Variants in IGBP1 observed in about 807,000 individuals in gnomAD.
IGBP1 encodes the protein immunoglobulin binding protein 1.
Under a neutral mutation model 25.9 loss-of-function variants are expected in IGBP1, and 2 were observed. The observed-to-expected ratio is 0.08, with a 90% CI of 0.03 to 0.24. The LOEUF (loss-of-function observed/expected upper bound fraction) is 0.24. IGBP1 is among the 10% of genes least tolerant of loss of function. IGBP1 has a pLI of 1.00. For synonymous variants in IGBP1, 96 were observed against 93.4 expected (o/e 1.03, Z -0.16); for missense variants, 187 against 260.4 (o/e 0.72, Z 1.94).
Position 70,133,882 on chromosome X carries a change from ATTC to A in IGBP1, c.-60_-58del. The A allele has an allele frequency of 9.5e-7, 1 of 1,047,674 alleles. No homozygotes were observed. Among genetic ancestry groups the A allele is most frequent in the Non-Finnish European group, 1.3e-6 (1 of 759,022 alleles). The allele number at this position is 1,047,674 out of a possible 1,213,427, so 86.3% of individuals were successfully genotyped here. On this transcript the variant is annotated 5_prime_UTR_variant, in exon 2 of 7. Coordinates refer to ENST00000356413, the MANE Select transcript of IGBP1 (RefSeq NM_001551.3). ...TTCCGGTTTTGTCCGCGCTCGCCTA[ATTC>A]TTCTTTATCAAGGTTGCCTTTGACC... is the stretch of plus-strand genomic sequence containing the variant.
rs57946963 is a variant in IGBP1 at position 70,155,494 on chromosome X, CA to C, written c.871+5193del. Among the ~76,000 whole-genome samples the C allele has an allele frequency of 8.3e-3, 304 of 36,538 alleles. 1 individual carries two copies. Among genetic ancestry groups the C allele is most frequent in the Non-Finnish European group, 0.011 (193 of 18,353 alleles). The allele number at this position is 36,538 out of a possible 115,157, so 31.7% of individuals were successfully genotyped here. A position where few individuals can be genotyped will look rare whatever the true frequency, so the allele number is the denominator to read the frequency against. ...TGGGTGACAGAGTGAGACTCTGTCTCAAAAAAAAAAAAAAAAAAAAAGATAT... is the reference window on the plus strand; with the variant it reads ...TGGGTGACAGAGTGAGACTCTGTCTCAAAAAAAAAAAAAAAAAAAAGATAT... On this transcript the variant is annotated intron_variant, in intron 6 of 6. Coordinates refer to ENST00000356413, the MANE Select transcript of IGBP1 (RefSeq NM_001551.3).
chrX:70,134,495 C>G, intron 2 of IGBP1, 28 bp from the exon 3 acceptor site: 1 of 1,201,817 alleles, frequency 8.3e-7, no homozygotes, highest in Non-Finnish European at 1.1e-6. Context: ...CCTAGTCAGG[C>G]TTCACTGCCT....
chrX:70,152,041 G>T (rs1325054756), intron 6 of IGBP1, among the ~76,000 whole-genome samples: 1 of 111,506 alleles, frequency 9.0e-6, no homozygotes, highest in Non-Finnish European at 1.9e-5. Context: ...TCACCTGTGG[G>T]CAGACTGCAG....
At chrX:70,142,623 G>T (rs746186885) in intron 3 of IGBP1, among the ~76,000 whole-genome samples, 1 of 109,989 alleles carries the variant, frequency 9.1e-6, no homozygotes, top group South Asian at 4.0e-4. Context: ...TTCAAGATCA[G>T]CCTGGGCAAC....
At position 70,166,302 on chromosome X, in the gene IGBP1, T is replaced by C. The variant is rs1244140143; in HGVS notation, c.*321T>C. ...CTGAAAAAATAATAAAAGTCCCCTC[T>C]ATTATATGAGCCTGTACAGAAATAT... On this transcript the variant is annotated 3_prime_UTR_variant, in exon 7 of 7. Coordinates refer to ENST00000356413, the MANE Select transcript of IGBP1 (RefSeq NM_001551.3). 1.0e-5 allele frequency: 2 copies of C among 197,909 alleles called. No individual in the cohort carries two copies. The highest frequency in any genetic ancestry group is 1.8e-5 in the Non-Finnish European group (2 of 108,659). The allele number at this position is 197,909 out of a possible 1,213,427, so 16.3% of individuals were successfully genotyped here.
intron 2 of IGBP1, 71 bp downstream of exon 2, chrX:70,134,206 C>A: frequency 9.9e-7 from 1 of 1,006,795 alleles, no homozygotes; most frequent in Non-Finnish European, 1.4e-6. Context: ...AGCCATTGCG[C>A]CTGAGTGGAG....
chrX:70,138,676 G>A (rs1419111327), intron 3 of IGBP1, among the ~76,000 whole-genome samples: 2 of 110,959 alleles, frequency 1.8e-5, no homozygotes, highest in Non-Finnish European at 3.8e-5. Context: ...TTGGAATGCT[G>A]TAACTATAGC....
At chrX:70,145,635 T>C (rs952095441) in intron 3 of IGBP1, among the ~76,000 whole-genome samples, 4 of 111,752 alleles carry the variant, frequency 3.6e-5, no homozygotes, top group African/African-American at 9.8e-5. Flanking sequence ...TGGCTATGTC[T>C]GACCTCATTT....
At chrX:70,147,042 A>C (rs2085171211) in intron 4 of IGBP1, among the ~76,000 whole-genome samples, 2 of 112,005 alleles carry the variant, frequency 1.8e-5, no homozygotes, top group Non-Finnish European at 3.8e-5. Flanking sequence ...ATTTTGTGGT[A>C]TACCATGGGG....
chrX:70,164,857 G>A (rs957202041), intron 6 of IGBP1: 1 of 112,015 alleles, frequency 8.9e-6, no homozygotes, highest in Non-Finnish European at 1.9e-5. Flanking sequence ...TGGGAGGGCC[G>A]AGACCAGCCT....
intron 3 of IGBP1, among the ~76,000 whole-genome samples, chrX:70,145,572 T>A (rs946046963): frequency 9.0e-6 from 1 of 111,674 alleles, no homozygotes. Context: ...CAAAATACCA[T>A]GATATTTGAT....
intron 3 of IGBP1, among the ~76,000 whole-genome samples, chrX:70,141,514 G>A (rs746339345): frequency 9.0e-6 from 1 of 111,497 alleles, no homozygotes; most frequent in Non-Finnish European, 1.9e-5. Flanking sequence ...TCAGTCTCTA[G>A]ACTTGAAACT....
intron 4 of IGBP1, among the ~76,000 whole-genome samples, chrX:70,147,674 TAAAG>T (rs996043071): frequency 1.8e-5 from 2 of 112,162 alleles, no homozygotes; most frequent in African/African-American, 6.5e-5. Flanking sequence ...AGTAAACTGG[TAAAG>T]AAACCTGGTG....
At chrX:70,146,254 T>C (rs925728105) in intron 3 of IGBP1, among the ~76,000 whole-genome samples, 45 of 21,049 alleles carry the variant, frequency 2.1e-3, no homozygotes, top group Non-Finnish European at 0.011. Context: ...ATTCTATGAT[T>C]TTTTTGAAGG....
intron 6 of IGBP1, 139 bp from the exon 7 acceptor site, chrX:70,165,694 G>A (rs2147594808): frequency 1.1e-5 from 6 of 541,918 alleles, no homozygotes; most frequent in East Asian, 3.7e-5. Flanking sequence ...CCCCGCTTCC[G>A]CCGGGCTCAG....
intron 3 of IGBP1, among the ~76,000 whole-genome samples, chrX:70,136,775 T>G (rs1203102970): frequency 1.8e-5 from 2 of 108,989 alleles, no homozygotes; most frequent in Non-Finnish European, 3.8e-5. Context: ...AATGGTGTGA[T>G]CTTGGCTCGC....
intron 4 of IGBP1, among the ~76,000 whole-genome samples, chrX:70,147,040 G>C (rs1046023758): frequency 1.8e-5 from 2 of 111,818 alleles, no homozygotes; most frequent in Admixed American, 1.9e-4. Flanking sequence ...TAATTTTGTG[G>C]TATACCATGG....
In IGBP1 at chrX:70,166,317, T is replaced by G. The variant is rs752969546; in HGVS notation, c.*336T>G. The G allele has an allele frequency of 3.9e-5, 6 of 155,776 alleles. No individual in the cohort carries two copies. The highest frequency in any genetic ancestry group is 7.4e-5 in the Non-Finnish European group (6 of 81,510). The allele number at this position is 155,776 out of a possible 1,213,427, so 12.8% of individuals were successfully genotyped here. A position where few individuals can be genotyped will look rare whatever the true frequency, so the allele number is the denominator to read the frequency against. ...AAGTCCCCTCTATTATATGAGCCTGTACAGAAATATGGCTATCAGCTGCTT... is the reference window on the plus strand; with the variant it reads ...AAGTCCCCTCTATTATATGAGCCTGGACAGAAATATGGCTATCAGCTGCTT... On this transcript the variant is annotated 3_prime_UTR_variant, in exon 7 of 7. Transcript: ENST00000356413.
chrX:70,138,141 A>C (rs1421872466), intron 3 of IGBP1, among the ~76,000 whole-genome samples: 1 of 110,165 alleles, frequency 9.1e-6, no homozygotes, highest in African/African-American at 3.3e-5. Context: ...GTCTCAAAAA[A>C]AAAGAACATA....
Sources: gnomAD v4.1 joint callset for allele counts (sites outside exome capture counted in the v4.1 genomes callset) on GRCh38, gnomAD v4.1.1 for gene constraint, MANE v1.5 for transcripts, NCBI Gene and HGNC (gene_info 2026-07-23, HGNC 2026-07-21) for gene names.